The following FGF14 variants were observed in gnomAD, a reference collection of about 807,000 sequenced individuals.
FGF14 encodes fibroblast growth factor 14.
FGF14 carries 5 observed loss-of-function variants against 25.5 expected under a neutral mutation model. The ratio of observed to expected loss-of-function variants is 0.20; its 90% CI spans 0.10 to 0.41. The LOEUF (loss-of-function observed/expected upper bound fraction) is 0.41, where lower values mean the gene tolerates loss of function less well. Among genes scored for constraint, FGF14 ranks in the 10% least tolerant of loss-of-function variants. The pLI is 1.00. For missense variants in FGF14, 222 were observed against 320.1 expected, an observed-to-expected ratio of 0.69 and a Z score of 2.34; for synonymous variants, 138 against 118.3, an observed-to-expected ratio of 1.17 and a Z score of -1.08.
intron 3 of FGF14, among the ~76,000 whole-genome samples, chr13:101,727,844 A>G (rs1411506180): frequency 6.6e-6 from 1 of 152,176 alleles, no homozygotes; most frequent in Non-Finnish European, 1.5e-5. Flanking sequence ...TATATAAAAT[A>G]TAGATGGAAA....
intron 1 of FGF14, among the ~76,000 whole-genome samples, chr13:102,331,739 T>C (rs1594873565): frequency 1.3e-5 from 2 of 152,294 alleles, no homozygotes; most frequent in South Asian, 2.1e-4. Flanking sequence ...GCATTTTTCA[T>C]ACATAATTGG....
At chr13:102,176,859 T>TG (rs1422628029) in intron 1 of FGF14, among the ~76,000 whole-genome samples, 2 of 150,452 alleles carry the variant, frequency 1.3e-5, no homozygotes, top group African/African-American at 2.5e-5. Context: ...ATTAAACGTG[T>TG]GGTTTTTTTG....
chr13:102,368,065 G>T (rs2139083308), intron 1 of FGF14: 1 of 152,272 alleles, frequency 6.6e-6, no homozygotes, highest in Non-Finnish European at 1.5e-5. Flanking sequence ...CGACTGCCAA[G>T]GAACCACAGG....
intron 1 of FGF14, among the ~76,000 whole-genome samples, chr13:102,086,461 C>T (rs1020444199): frequency 2.0e-5 from 3 of 151,988 alleles, no homozygotes; most frequent in Admixed American, 6.5e-5. Context: ...ACCCGGGAGG[C>T]GGAGCTTGCA....
At chr13:102,159,291 T>G (rs1215140119) in intron 1 of FGF14, among the ~76,000 whole-genome samples, 1 of 152,160 alleles carries the variant, frequency 6.6e-6, no homozygotes, top group Non-Finnish European at 1.5e-5. Flanking sequence ...AGGAAGGCAT[T>G]AATTTAACCT....
rs113177538 is a variant in FGF14 at position 102,188,874 on chromosome 13, G to C, written c.208+212597C>G. On this transcript the variant is annotated intron_variant, in intron 1 of 4. Coordinates refer to the FGF14 transcript ENST00000376131. The stretch of plus-strand genomic sequence containing the variant: ...GACAATCGCTTGAACCTGGGAGGCA[G>C]AGGTTGCAGTGAGCTGAGACTGCAC... Among the ~76,000 whole-genome samples the C allele has an allele frequency of 4.9e-3, 740 of 151,646 alleles. 6 individuals are homozygous for C. The highest frequency in any genetic ancestry group is 0.017 in the African/African-American group (689 of 41,290).
intron 1 of FGF14, among the ~76,000 whole-genome samples, chr13:101,879,339 T>C (rs1009048085): frequency 2.6e-5 from 4 of 152,214 alleles, no homozygotes; most frequent in African/African-American, 7.2e-5. Flanking sequence ...TGAAAACTAA[T>C]GTGCATACAT....
chr13:102,243,381 A>G (rs914317495), intron 1 of FGF14, among the ~76,000 whole-genome samples: 1 of 152,126 alleles, frequency 6.6e-6, no homozygotes, highest in African/African-American at 2.4e-5. Flanking sequence ...AATCCTGATA[A>G]TTCAAAAATG....
At chr13:101,909,685 G>A (rs9518597) in intron 1 of FGF14, among the ~76,000 whole-genome samples, 34,514 of 152,000 alleles carry the variant, frequency 0.23, 4,286 homozygotes, top group East Asian at 0.45. Context: ...TCAGTGTGGC[G>A]ATTCCTCAGG....
intron 1 of FGF14, among the ~76,000 whole-genome samples, chr13:102,395,891 C>T (rs1245572517): frequency 6.6e-6 from 1 of 152,194 alleles, no homozygotes; most frequent in Non-Finnish European, 1.5e-5. Flanking sequence ...CTAAGAATCC[C>T]TCCTTTTGTT....
chr13:102,270,431 CTA>C (rs2053192099), intron 1 of FGF14, among the ~76,000 whole-genome samples: 1 of 152,104 alleles, frequency 6.6e-6, no homozygotes, highest in African/African-American at 2.4e-5. Flanking sequence ...AAACATTTCT[CTA>C]TAGATAGAAA....
chr13:102,365,798 T>C (rs2057694575), intron 1 of FGF14, among the ~76,000 whole-genome samples: 1 of 152,162 alleles, frequency 6.6e-6, no homozygotes, highest in South Asian at 2.1e-4. Context: ...TAGTTATATG[T>C]GGAAATGTAT....
At chr13:101,870,541 T>C (rs1360820970) in intron 2 of FGF14, among the ~76,000 whole-genome samples, 12 of 152,190 alleles carry the variant, frequency 7.9e-5, no homozygotes. Context: ...AGAAAACAAA[T>C]AGATCATGAA....
intron 1 of FGF14, among the ~76,000 whole-genome samples, chr13:102,121,976 G>A (rs187417273): frequency 2.1e-4 from 32 of 152,292 alleles, no homozygotes; most frequent in African/African-American, 7.5e-4. Context: ...GGTTTCAATG[G>A]AATGAAATCA....
chr13:101,852,093 G>T (rs2043879994), intron 3 of FGF14, among the ~76,000 whole-genome samples: 1 of 152,012 alleles, frequency 6.6e-6, no homozygotes, highest in Non-Finnish European at 1.5e-5. Flanking sequence ...CAAAAATAAA[G>T]TAACATTTGA....
intron 1 of FGF14, chr13:102,292,295 A>AAC (rs1555395258): frequency 6.7e-6 from 1 of 148,460 alleles, no homozygotes; most frequent in African/African-American, 2.4e-5. Flanking sequence ...AAAAAAAAAA[A>AAC]AAAAAAAAAA....
At chr13:101,887,925 T>G (rs2046078691) in intron 1 of FGF14, among the ~76,000 whole-genome samples, 1 of 152,144 alleles carries the variant, frequency 6.6e-6, no homozygotes, top group Non-Finnish European at 1.5e-5. Context: ...TAACATCTGG[T>G]CATTTTAATC....
Position 101,891,908 on chromosome 13 carries a change from A to T in FGF14, c.194-16612T>A, listed in dbSNP as rs192091059. 2.0e-5 allele frequency among the ~76,000 whole-genome samples: 3 copies of T among 152,286 alleles called. No homozygotes were observed. The East Asian group carries it at 5.8e-4, about 29-fold the overall frequency. On this transcript the variant is annotated intron_variant, in intron 1 of 4. Coordinates refer to ENST00000376143, the MANE Select transcript of FGF14 (RefSeq NM_004115.4). ...AGAGAACTTCTGATACATGCTTCAG[A>T]TGGAGAATATCAGAAATAGAGAAAG...
At chr13:101,950,127 C>T (rs2036064181) in intron 1 of FGF14, among the ~76,000 whole-genome samples, 1 of 151,960 alleles carries the variant, frequency 6.6e-6, no homozygotes, top group Admixed American at 6.6e-5. Flanking sequence ...TTGTACCTAC[C>T]AGATGCCCAA....
Sources: gnomAD v4.1 joint callset for allele counts (sites outside exome capture counted in the v4.1 genomes callset) on GRCh38, gnomAD v4.1.1 for gene constraint, MANE v1.5 for transcripts, NCBI Gene and HGNC (gene_info 2026-07-23, HGNC 2026-07-21) for gene names.